The following THSD4 variants were observed in gnomAD, a reference collection of about 807,000 sequenced individuals.
The protein encoded by THSD4 is thrombospondin type-1 domain-containing protein 4.
Under a neutral mutation model 119.0 loss-of-function variants are expected in THSD4, and 69 were observed. That is an observed-to-expected ratio of 0.58 (90% CI 0.48 to 0.71). The LOEUF is 0.71. THSD4 is among the 30% of genes least tolerant of loss of function. The pLI, the probability that THSD4 is intolerant of heterozygous loss-of-function variation, is 0.00. For synonymous variants in THSD4, 524 were observed against 540.4 expected, an observed-to-expected ratio of 0.97 and a Z score of 0.42; for missense variants, 1,393 against 1,391.1, an observed-to-expected ratio of 1.00 and a Z score of -0.02.
At chr15:71,448,142 T>C (rs575877692) in intron 7 of THSD4, among the ~76,000 whole-genome samples, 6 of 152,358 alleles carry the variant, frequency 3.9e-5, no homozygotes, top group African/African-American at 9.6e-5. Flanking sequence ...TCTGTCTGCC[T>C]GCTTGAAACA....
intron 8 of THSD4, among the ~76,000 whole-genome samples, chr15:71,721,423 A>G (rs183961593): frequency 6.6e-6 from 1 of 152,228 alleles, no homozygotes; most frequent in South Asian, 2.1e-4. Context: ...CAGGAGAATC[A>G]CTTGAACCTG....
intron 7 of THSD4, among the ~76,000 whole-genome samples, chr15:71,607,004 A>G (rs2050122777): frequency 6.6e-6 from 1 of 152,242 alleles, no homozygotes; most frequent in South Asian, 2.1e-4. Flanking sequence ...CAATGCTCCA[A>G]CAGAAGTGTA....
At position 71,777,959 on chromosome 15, in the gene THSD4, C is replaced by G. The variant is rs2053943797; in HGVS notation, c.*585C>G. On this transcript the variant is annotated 3_prime_UTR_variant, in exon 18 of 18. Coordinates refer to ENST00000261862, the MANE Select transcript of THSD4 (RefSeq NM_024817.3). ...GTGCTTTATTTAGCAGGTGTACTCA[C>G]AGATACTAGCTCCTTAGCAGCTCAC... 1 of 153,918 alleles carries G rather than the reference C, an allele frequency of 6.5e-6. No individual in the cohort carries two copies. Among genetic ancestry groups the G allele is most frequent in the African/African-American group, 2.4e-5 (1 of 41,466 alleles). The allele number at this position is 153,918 out of a possible 1,614,324, so 9.5% of individuals were successfully genotyped here.
chr15:71,655,588 T>C (rs2051174598), intron 7 of THSD4, among the ~76,000 whole-genome samples: 1 of 152,172 alleles, frequency 6.6e-6, no homozygotes, highest in Non-Finnish European at 1.5e-5. Flanking sequence ...CATTCTATGT[T>C]TGCCTCATTT....
chr15:71,292,675 ATTT>A (rs36103838), intron 6 of THSD4, among the ~76,000 whole-genome samples: 5 of 130,568 alleles, frequency 3.8e-5, no homozygotes, highest in African/African-American at 8.7e-5. Context: ...ATATAACAGG[ATTT>A]TTTTTTTTTT....
At chr15:71,480,060 A>G (rs1428764111) in intron 7 of THSD4, among the ~76,000 whole-genome samples, 2 of 152,120 alleles carry the variant, frequency 1.3e-5, no homozygotes, top group African/African-American at 2.4e-5. Context: ...TTCCTGAGCT[A>G]GGGTCTCGCT....
intron 7 of THSD4, among the ~76,000 whole-genome samples, chr15:71,638,443 G>A (rs2050792435): frequency 6.6e-6 from 1 of 152,152 alleles, no homozygotes. Flanking sequence ...CTGAGTTAGA[G>A]GTAAATTCTG....
Position 71,162,721 on chromosome 15 carries a change from G to A in THSD4, c.99+7789G>A, listed in dbSNP as rs140662401. Among the ~76,000 whole-genome samples, 17 of 152,112 alleles carry A rather than the reference G, an allele frequency of 1.1e-4. No individual in the cohort carries two copies. The East Asian group carries it at 2.3e-3, about 21-fold the overall frequency. ...TGTTGTCGTTAAATAGATTTCCTGTGCCTTTCTCCATTTCTTCTCCTTCTG... is the reference window on the plus strand; with the variant it reads ...TGTTGTCGTTAAATAGATTTCCTGTACCTTTCTCCATTTCTTCTCCTTCTG... On this transcript the variant is annotated intron_variant, in intron 3 of 17. Transcript: ENST00000261862.
chr15:71,761,101 T>C (rs1297704912), intron 15 of THSD4, among the ~76,000 whole-genome samples: 1 of 152,198 alleles, frequency 6.6e-6, no homozygotes. Context: ...TTCCCTACCA[T>C]CTTATTTTGT....
At chr15:71,218,451 CTGCAGGCATTGTGCCTGTGT>C (rs1446056361) in intron 4 of THSD4, among the ~76,000 whole-genome samples, 3 of 152,190 alleles carry the variant, frequency 2.0e-5, no homozygotes, top group African/African-American at 7.2e-5. Context: ...CAGGCCTGTG[CTGCAGGCATTGTGCCTGTGT>C]GTTTTGGCAG....
intron 7 of THSD4, among the ~76,000 whole-genome samples, chr15:71,633,462 A>G (rs887280109): frequency 1.3e-5 from 2 of 151,790 alleles, no homozygotes; most frequent in Admixed American, 1.3e-4. Flanking sequence ...TTTCGTAGAG[A>G]TGGAGTTTTG....
intron 7 of THSD4, among the ~76,000 whole-genome samples, chr15:71,525,916 G>T (rs527581661): frequency 6.6e-6 from 1 of 152,228 alleles, no homozygotes; most frequent in Admixed American, 6.5e-5. Flanking sequence ...ACAGGGAATG[G>T]GTCTCATTCA....
At chr15:71,323,938 A>C (rs1159525398) in intron 6 of THSD4, among the ~76,000 whole-genome samples, 1 of 152,154 alleles carries the variant, frequency 6.6e-6, no homozygotes, top group Non-Finnish European at 1.5e-5. Context: ...GTTTGTGTGC[A>C]TGCATTTTAC....
intron 7 of THSD4, among the ~76,000 whole-genome samples, chr15:71,500,258 T>C (rs1188203073): frequency 2.0e-5 from 3 of 152,212 alleles, no homozygotes; most frequent in African/African-American, 7.2e-5. Flanking sequence ...TTCATGCACC[T>C]ATTGGCCATT....
intron 6 of THSD4, among the ~76,000 whole-genome samples, chr15:71,268,746 T>A (rs1301132453): frequency 7.0e-6 from 1 of 143,804 alleles, no homozygotes; most frequent in East Asian, 2.0e-4. Context: ...AAAAGAGAGA[T>A]GAATCAAACA....
rs143463632 is a variant in THSD4, at chr15:71,744,287, T to G, written c.1907-819T>G. On this transcript the variant is annotated intron_variant, in intron 11 of 17. Coordinates refer to ENST00000261862, the MANE Select transcript of THSD4 (RefSeq NM_024817.3). ...ACCTAAAACAGTTATAAACATTCAT[T>G]CAACACCATTCAAACATTCATTCAA... 1.9e-3 allele frequency among the ~76,000 whole-genome samples: 286 copies of G among 152,014 alleles called. 1 individual carries two copies. The highest frequency in any genetic ancestry group is 6.7e-3 in the African/African-American group (276 of 41,460).
At chr15:71,261,529 C>G (rs760212207) in intron 6 of THSD4, among the ~76,000 whole-genome samples, 4 of 152,140 alleles carry the variant, frequency 2.6e-5, no homozygotes, top group Non-Finnish European at 4.4e-5. Flanking sequence ...GTTCCAATCC[C>G]AGACAAACTA....
At chr15:71,379,961 G>A (rs2046206827) in intron 6 of THSD4, among the ~76,000 whole-genome samples, 2 of 152,100 alleles carry the variant, frequency 1.3e-5, no homozygotes, top group South Asian at 4.1e-4. Context: ...ACAAAAAGGG[G>A]AGTGAGATAC....
intron 7 of THSD4, among the ~76,000 whole-genome samples, chr15:71,458,852 A>G (rs1364484444): frequency 9.2e-5 from 14 of 152,224 alleles, no homozygotes; most frequent in Non-Finnish European, 1.9e-4. Flanking sequence ...TTTAGGTTAT[A>G]GTCTTTCACA....
Sources: gnomAD v4.1 joint callset for allele counts (sites outside exome capture counted in the v4.1 genomes callset) on GRCh38, gnomAD v4.1.1 for gene constraint, MANE v1.5 for transcripts, NCBI Gene and HGNC (gene_info 2026-07-23, HGNC 2026-07-21) for gene names.